The following CKM variants were observed in gnomAD, a reference collection of about 807,000 sequenced individuals.
The protein encoded by CKM is creatine kinase, M-type, also known as creatine kinase M-type.
CKM carries 28 observed loss-of-function variants against 35.4 expected under a neutral mutation model. That is an observed-to-expected ratio of 0.79 (90% CI 0.59 to 1.08). The LOEUF is 1.08. CKM is among the 50% of genes least tolerant of loss of function. The pLI is 0.00. For missense variants in CKM, 484 were observed against 509.8 expected (o/e 0.95, Z 0.49); for synonymous variants, 215 against 204.4 (o/e 1.05, Z -0.44).
intron 5 of CKM, among the ~76,000 whole-genome samples, chr19:45,310,970 C>T (rs1168089272): frequency 1.4e-4 from 20 of 139,718 alleles, no homozygotes; most frequent in African/African-American, 4.6e-4. Flanking sequence ...TTAGTAGAGA[C>T]GGGGTTTCAC....
intron 1 of CKM, 64 bp from the exon 2 acceptor site, chr19:45,319,795 CTT>C (rs372944853): frequency 2.8e-3 from 2,850 of 1,029,290 alleles, no homozygotes; most frequent in Non-Finnish European, 3.1e-3. Flanking sequence ...TCTTCTTCTT[CTT>C]TTTTTTTTTT....
chr19:45,322,020 C>T (rs1275463716), intron 1 of CKM, among the ~76,000 whole-genome samples: 2 of 152,168 alleles, frequency 1.3e-5, no homozygotes, highest in African/African-American at 2.4e-5. Context: ...GCCCCACCCC[C>T]ACATTCCGGG....
At chr19:45,315,406 A>G in intron 4 of CKM, 59 bp downstream of exon 4, 1 of 1,579,484 alleles carries the variant, frequency 6.3e-7, no homozygotes, top group Non-Finnish European at 8.6e-7. Context: ...GGACCTGCCC[A>G]TGGAGGAACA....
At position 45,310,202 on chromosome 19, in the gene CKM, G is replaced by A. The variant is rs374781387; in HGVS notation, c.653+1547C>T. The stretch of plus-strand genomic sequence containing the variant: ...GTGATGCGATCTTGGCTCACTTCAA[G>A]CTCCGCCTCCCGGGTTCACGCCATT... On this transcript the variant is annotated intron_variant, in intron 5 of 7. Coordinates refer to ENST00000221476, the MANE Select transcript of CKM (RefSeq NM_001824.5). Among the ~76,000 whole-genome samples the A allele has an allele frequency of 1.2e-4, 16 of 132,248 alleles. No individual in the cohort carries two copies. In the South Asian group the frequency reaches 2.0e-3, roughly 16 times the overall value. The allele number at this position is 132,248 out of a possible 152,430, so 86.8% of individuals were successfully genotyped here. A position where few individuals can be genotyped will look rare whatever the true frequency, so the allele number is the denominator to read the frequency against.
At chr19:45,319,445 T>A in intron 2 of CKM, 76 bp downstream of exon 2, 1 of 1,024,058 alleles carries the variant, frequency 9.8e-7, no homozygotes. Flanking sequence ...CCTTCAAGGG[T>A]GGTGGGATTG....
intron 1 of CKM, among the ~76,000 whole-genome samples, chr19:45,320,901 A>G (rs76347652): frequency 2.2e-5 from 3 of 135,830 alleles, no homozygotes; most frequent in East Asian, 3.9e-4. Context: ...TATTATTATT[A>G]TTATTATTAT....
At chr19:45,318,916 G>A (rs898897315) in intron 2 of CKM, among the ~76,000 whole-genome samples, 4 of 150,646 alleles carry the variant, frequency 2.7e-5, no homozygotes, top group South Asian at 4.2e-4. Context: ...GTACAGTGGC[G>A]CGATCTCGGC....
chr19:45,319,443 G>C (rs635921), intron 2 of CKM, 78 bp downstream of exon 2: 2 of 1,154,928 alleles, frequency 1.7e-6, no homozygotes, highest in African/African-American at 3.0e-5. Context: ...CCCCTTCAAG[G>C]GTGGTGGGAT....
Position 45,317,919 on chromosome 19 carries a change from A to C in CKM, c.254T>G (p.Phe85Cys), listed in dbSNP as rs149197296. ...GATGATGGGGTCAAAGAGTTCCTTG[A>C]AAACTTCGTAGGACTCCTCATCACC... is the stretch of plus-strand genomic sequence containing the variant. ...VAGDEESYEVFKELFDPIISD... is the reference protein window; with the variant it reads ...VAGDEESYEVCKELFDPIISD... The change falls in exon 3 of 8, where the codon TTC becomes TGC. Residue 85 changes from phenylalanine to cysteine, a missense_variant. Coordinates refer to ENST00000221476, the MANE Select transcript of CKM (RefSeq NM_001824.5). The C allele has an allele frequency of 1.2e-6, 2 of 1,613,692 alleles. No homozygotes were observed. The highest frequency in any genetic ancestry group is 2.7e-5 in the African/African-American group (2 of 74,818).
rs1971150521 is a variant in CKM at position 45,315,599 on chromosome 19, T to G, written c.349-2A>C. 8 of 1,603,156 alleles carry G rather than the reference T, an allele frequency of 5.0e-6. No individual in the cohort carries two copies. The highest frequency in any genetic ancestry group is 4.2e-6 in the Non-Finnish European group (5 of 1,179,922). On this transcript the variant is annotated splice_acceptor_variant, in intron 3 of 7. Coordinates refer to ENST00000221476, the MANE Select transcript of CKM (RefSeq NM_001824.5). LOFTEE classifies it high-confidence loss of function. ...GTTAGGGTCCAGGTCGTCTCCACCC[T>G]GGAGAGCGGGTGGGAGATCAGGACC...
At chr19:45,311,187 G>T (rs1372168887) in intron 5 of CKM, among the ~76,000 whole-genome samples, 1 of 151,216 alleles carries the variant, frequency 6.6e-6, no homozygotes, top group African/African-American at 2.4e-5. Flanking sequence ...CAAAGTGCTG[G>T]GATTACAGGT....
rs1369518175 is a variant in CKM, at chr19:45,307,554, G to T, written c.874C>A (p.Arg292Ser). The change falls in exon 7 of 8, where the codon CGT becomes AGT. Residue 292 changes from arginine to serine, a missense_variant. By Grantham distance (110) the Arg-to-Ser change is moderately radical (BLOSUM62 -1). Coordinates refer to ENST00000221476, the MANE Select transcript of CKM (RefSeq NM_001824.5). ...TCPSNLGTGL[R>S]GGVHVKLAHL... ...GCCAGCTTCACATGCACGCCTCCAC[G>T]CAGCCCAGTGCCCAGGTTGGATGGG... 1 of 1,614,010 alleles carries T rather than the reference G, an allele frequency of 6.2e-7. No homozygotes were observed. The highest frequency in any genetic ancestry group is 2.2e-5 in the East Asian group (1 of 44,898).
At chr19:45,310,665 C>G (rs8109616) in intron 5 of CKM, among the ~76,000 whole-genome samples, 1 of 150,054 alleles carries the variant, frequency 6.7e-6, no homozygotes, top group Non-Finnish European at 1.5e-5. Context: ...TGCAGTACCT[C>G]GGTCATGATT....
chr19:45,321,937 G>A (rs1207711643), intron 1 of CKM, among the ~76,000 whole-genome samples: 1 of 152,036 alleles, frequency 6.6e-6, no homozygotes, highest in Non-Finnish European at 1.5e-5. Context: ...CAAAGACCTT[G>A]GGTGCTGCTG....
At chr19:45,320,263 A>G (rs934431848) in intron 1 of CKM, among the ~76,000 whole-genome samples, 1 of 150,826 alleles carries the variant, frequency 6.6e-6, no homozygotes, top group East Asian at 2.0e-4. Flanking sequence ...ATTTTTTTGT[A>G]TTTTTATTAG....
At position 45,314,174 on chromosome 19, in the gene CKM, A is replaced by AAAGGAAGG. The variant is rs140672931; in HGVS notation, c.481+1283_481+1290dup. 2.1e-4 allele frequency among the ~76,000 whole-genome samples: 32 copies of AAAGGAAGG among 149,720 alleles called. No homozygotes were observed. In the East Asian group the frequency reaches 3.9e-3, roughly 18 times the overall value. On this transcript the variant is annotated intron_variant, in intron 4 of 7. Transcript: ENST00000221476. Reference sequence around the variant, plus strand: ...AAGGAAGGGAGGAAGAAAAGAAAGGAAAGGAAGGAAGGAAGGAAGGAAGGA... The same window carrying AAAGGAAGG: ...AAGGAAGGGAGGAAGAAAAGAAAGGAAAGGAAGGAAGGAAGGAAGGAAGGAAGGAAGGA...
chr19:45,311,015 C>T (rs556612490), intron 5 of CKM, among the ~76,000 whole-genome samples: 6 of 146,792 alleles, frequency 4.1e-5, no homozygotes, highest in African/African-American at 1.3e-4. Context: ...CTCCTGACCT[C>T]GTGATCCGCC....
rs1385830949 is a variant in CKM, at chr19:45,311,926, G to C, written c.482-6C>G. ...GCCCGTCAGGCTGTTGAGAGCTATG[G>C]GGACACACGAGGGAGTGGTCAGCAG... On this transcript the variant is annotated splice_region_variant and splice_polypyrimidine_tract_variant and intron_variant, in intron 4 of 7. Coordinates refer to ENST00000221476, the MANE Select transcript of CKM (RefSeq NM_001824.5). 4 of 1,613,756 alleles carry C rather than the reference G, an allele frequency of 2.5e-6. No individual in the cohort carries two copies. Among genetic ancestry groups the C allele is most frequent in the East Asian group, 4.5e-5 (2 of 44,884 alleles).
intron 5 of CKM, among the ~76,000 whole-genome samples, chr19:45,310,087 A>G (rs1310259246): frequency 6.7e-6 from 1 of 148,952 alleles, no homozygotes; most frequent in Admixed American, 6.7e-5. Flanking sequence ...ACCAAGATGT[A>G]CTGAACACTT....
Sources: gnomAD v4.1 joint callset for allele counts (sites outside exome capture counted in the v4.1 genomes callset) on GRCh38, gnomAD v4.1.1 for gene constraint, MANE v1.5 for transcripts, NCBI Gene and HGNC (gene_info 2026-07-23, HGNC 2026-07-21) for gene names.